P2RY14: variants seen among roughly 807,000 people sequenced by gnomAD.
P2RY14 encodes the protein purinergic receptor P2Y14, also known as P2Y purinoceptor 14.
In P2RY14, 2 loss-of-function variants were observed where a neutral mutation model predicts 0.9. The ratio of observed to expected loss-of-function variants is 2.16; its 90% confidence interval spans 0.88 to 6.79. The LOEUF (loss-of-function observed/expected upper bound fraction) is 6.79. Ranked by LOEUF, P2RY14 falls within the 30% of genes most tolerant of loss-of-function variation. The pLI is 0.05. For missense variants in P2RY14, 378 were observed against 400.1 expected (o/e 0.94, Z 0.47); for synonymous variants, 158 against 147.2 (o/e 1.07, Z -0.53).
At chr3:151,251,892 C>T (rs909326009) in intron 1 of P2RY14, among the ~76,000 whole-genome samples, 1 of 152,136 alleles carries the variant, frequency 6.6e-6, no homozygotes, top group Non-Finnish European at 1.5e-5. Context: ...TATTTATGTA[C>T]ATGGAATCAC....
chr3:151,238,156 T>TTTTTC (rs1340783078), intron 1 of P2RY14, among the ~76,000 whole-genome samples: 1 of 146,802 alleles, frequency 6.8e-6, no homozygotes, highest in Non-Finnish European at 1.5e-5. Context: ...TTTCTTTTTC[T>TTTTTC]TTTTTCTTGA....
intron 1 of P2RY14, among the ~76,000 whole-genome samples, chr3:151,263,141 A>T (rs1739216602): frequency 6.6e-6 from 1 of 152,146 alleles, no homozygotes; most frequent in Non-Finnish European, 1.5e-5. Flanking sequence ...GGGTGCAGAG[A>T]TGGATCAACA....
chr3:151,233,601 C>T (rs1353340017), intron 1 of P2RY14, among the ~76,000 whole-genome samples: 2 of 152,124 alleles, frequency 1.3e-5, no homozygotes, highest in African/African-American at 2.4e-5. Context: ...GGCGTGGTGG[C>T]AGGTGTCTGT....
At chr3:151,238,791 C>G (rs1191879612) in intron 1 of P2RY14, among the ~76,000 whole-genome samples, 1 of 151,930 alleles carries the variant, frequency 6.6e-6, no homozygotes, top group Non-Finnish European at 1.5e-5. Flanking sequence ...TTTTGTGTGC[C>G]AAAATATTAA....
At chr3:151,225,479 G>T (rs1267154294) in intron 1 of P2RY14, among the ~76,000 whole-genome samples, 1 of 152,158 alleles carries the variant, frequency 6.6e-6, no homozygotes, top group Non-Finnish European at 1.5e-5. Context: ...AACTTCTGCA[G>T]TAATACCATT....
At chr3:151,214,408 AGGCAAAG>A in intron 2 of P2RY14, 68 bp from the exon 3 acceptor site, 1 of 1,076,790 alleles carries the variant, frequency 9.3e-7, no homozygotes, top group Admixed American at 2.2e-5. Flanking sequence ...CTGAGTAATA[AGGCAAAG>A]GGCAATGAAT....
intron 1 of P2RY14, among the ~76,000 whole-genome samples, chr3:151,248,301 C>A (rs937224299): frequency 3.3e-5 from 5 of 152,040 alleles, no homozygotes; most frequent in African/African-American, 1.2e-4. Context: ...TGTGACTCAC[C>A]ATTAAATCCA....
intron 1 of P2RY14, among the ~76,000 whole-genome samples, chr3:151,235,410 TAAAAGCAAC>T (rs1732533725): frequency 6.6e-6 from 1 of 152,120 alleles, no homozygotes; most frequent in Non-Finnish European, 1.5e-5. Context: ...TGAAAAGATC[TAAAAGCAAC>T]TCATGGCCTG....
intron 1 of P2RY14, among the ~76,000 whole-genome samples, chr3:151,273,402 AT>A (rs531443713): frequency 7.3e-4 from 83 of 113,624 alleles, no homozygotes; most frequent in Admixed American, 1.4e-3. Flanking sequence ...TAATTTTTGT[AT>A]TTTTTTTTTT....
At chr3:151,252,183 A>G (rs1414342203) in intron 1 of P2RY14, among the ~76,000 whole-genome samples, 2 of 152,060 alleles carry the variant, frequency 1.3e-5, no homozygotes. Flanking sequence ...ATCTCCATTC[A>G]TTCATCTTTC....
chr3:151,237,215 T>C (rs1733017806), intron 1 of P2RY14, among the ~76,000 whole-genome samples: 1 of 151,672 alleles, frequency 6.6e-6, no homozygotes, highest in South Asian at 2.1e-4. Flanking sequence ...ATTTTTTGTA[T>C]TTTTAGTAGA....
At chr3:151,235,780 A>T (rs1001121657) in intron 1 of P2RY14, among the ~76,000 whole-genome samples, 1 of 152,064 alleles carries the variant, frequency 6.6e-6, no homozygotes, top group African/African-American at 2.4e-5. Context: ...TGTGATTGTC[A>T]GTCTCTGGTA....
At chr3:151,231,196 T>C (rs1157617042) in intron 1 of P2RY14, among the ~76,000 whole-genome samples, 2 of 152,200 alleles carry the variant, frequency 1.3e-5, no homozygotes, top group Non-Finnish European at 2.9e-5. Context: ...TACAGGAGAA[T>C]GCTGGCTAGT....
intron 1 of P2RY14, among the ~76,000 whole-genome samples, chr3:151,257,850 T>C (rs571413948): frequency 3.9e-4 from 60 of 152,316 alleles, no homozygotes; most frequent in Non-Finnish European, 8.8e-5. Flanking sequence ...GTCACACAAA[T>C]TTTTATATTC....
At chr3:151,244,112 T>A (rs1399624558) in intron 1 of P2RY14, among the ~76,000 whole-genome samples, 3 of 119,612 alleles carry the variant, frequency 2.5e-5, no homozygotes, top group Admixed American at 1.8e-4. Context: ...CCAAGATTCA[T>A]AAAGCAAGTC....
chr3:151,246,504 AAAAC>A (rs1424476795), intron 1 of P2RY14, among the ~76,000 whole-genome samples: 7 of 152,190 alleles, frequency 4.6e-5, no homozygotes, highest in African/African-American at 1.7e-4. Context: ...AAACCTGAGA[AAAAC>A]AAGCAATGGG....
At chr3:151,235,936 T>A (rs1577064048) in intron 1 of P2RY14, among the ~76,000 whole-genome samples, 1 of 152,138 alleles carries the variant, frequency 6.6e-6, no homozygotes, top group Admixed American at 6.5e-5. Flanking sequence ...TGTCTCCCTT[T>A]GTTGTTTAAA....
At chr3:151,263,921 T>C (rs188613221) in intron 1 of P2RY14, among the ~76,000 whole-genome samples, 4 of 152,318 alleles carry the variant, frequency 2.6e-5, no homozygotes, top group Admixed American at 2.0e-4. Flanking sequence ...AGCCTTCAGT[T>C]AATGTTAGGA....
At chr3:151,257,290 C>T (rs1424632360) in intron 1 of P2RY14, among the ~76,000 whole-genome samples, 1 of 152,200 alleles carries the variant, frequency 6.6e-6, no homozygotes, top group Non-Finnish European at 1.5e-5. Flanking sequence ...TTTTCAGAAC[C>T]TTTCCACTGC....
Sources: allele counts gnomAD v4.1 joint callset (sites outside exome capture counted in the v4.1 genomes callset), GRCh38; gene constraint gnomAD v4.1.1; transcripts MANE v1.5; gene names NCBI Gene and HGNC (gene_info 2026-07-23, HGNC 2026-07-21).